The following SLC9B1 variants were observed in gnomAD, a reference collection of about 807,000 sequenced individuals.
SLC9B1 encodes the protein sodium/hydrogen exchanger 9B1.
A neutral mutation model predicts 51.7 loss-of-function variants in SLC9B1; 32 were observed. The observed-to-expected ratio is 0.62, with a 90% confidence interval of 0.47 to 0.83. The LOEUF is 0.83. Among genes scored for constraint, SLC9B1 ranks in the 40% least tolerant of loss-of-function variants. The pLI is 0.00. For missense variants in SLC9B1, 406 were observed against 613.2 expected (o/e 0.66, Z 3.57); for synonymous variants, 145 against 212.7 (o/e 0.68, Z 2.77).
chr4:102,943,503 G>GTA (rs1378652001), intron 6 of SLC9B1, among the ~76,000 whole-genome samples: 2 of 119,640 alleles, frequency 1.7e-5, no homozygotes, highest in Non-Finnish European at 3.6e-5. Context: ...ATATGTGTAT[G>GTA]TATACACACA....
At chr4:103,001,356 A>G (rs1740515974) in intron 1 of SLC9B1, among the ~76,000 whole-genome samples, 1 of 152,178 alleles carries the variant, frequency 6.6e-6, no homozygotes, top group Non-Finnish European at 1.5e-5. Context: ...TTCTCCCCCA[A>G]AAATGGATTT....
Position 102,932,264 on chromosome 4 carries a change from A to G in SLC9B1, c.689T>C (p.Val230Ala). The change falls in exon 7 of 12, where the codon GTC becomes GCC. Residue 230 changes from valine (V) to alanine (A), a missense_variant. Val to Ala is a moderately conservative substitution (Grantham distance 64). Transcript: ENST00000296422. Reference protein sequence around the residue: ...VLGAVSPAVVVPYMMVLQENG... With the variant: ...VLGAVSPAVVAPYMMVLQENG... ...TTCTTGCAGCACCATCATGTAAGGG[A>G]CAACAACAGCAGGAGAGACAGCACC... 1 of 1,611,898 alleles carries G rather than the reference A, an allele frequency of 6.2e-7. No homozygotes were observed. The highest frequency in any genetic ancestry group is 8.5e-7 in the Non-Finnish European group (1 of 1,179,788).
At chr4:103,008,069 A>C (rs1224393830) in intron 1 of SLC9B1, among the ~76,000 whole-genome samples, 1 of 152,178 alleles carries the variant, frequency 6.6e-6, no homozygotes, top group Non-Finnish European at 1.5e-5. Flanking sequence ...CAGTTTAAAA[A>C]ATTTTTATGC....
chr4:102,956,368 T>C (rs1347901550), intron 3 of SLC9B1, among the ~76,000 whole-genome samples: 1 of 150,526 alleles, frequency 6.6e-6, no homozygotes, highest in Non-Finnish European at 1.5e-5. Flanking sequence ...AGAAAGTTTG[T>C]GATAAGTTCT....
chr4:102,987,098 GGT>G (rs1280195621), intron 3 of SLC9B1, among the ~76,000 whole-genome samples: 2 of 152,126 alleles, frequency 1.3e-5, no homozygotes, highest in African/African-American at 4.8e-5. Flanking sequence ...GTGGTGATAA[GGT>G]GTGTGTGTTG....
intron 2 of SLC9B1, among the ~76,000 whole-genome samples, chr4:102,990,298 A>G (rs1022834586): frequency 2.0e-5 from 3 of 152,080 alleles, no homozygotes; most frequent in African/African-American, 7.2e-5. Flanking sequence ...ATACAACTCA[A>G]TTAGAAAGGA....
chr4:102,996,292 CT>C (rs1740211521), intron 1 of SLC9B1, among the ~76,000 whole-genome samples: 1 of 152,056 alleles, frequency 6.6e-6, no homozygotes, highest in Non-Finnish European at 1.5e-5. Context: ...AAATGTAAAT[CT>C]TTTATTGGAT....
intron 11 of SLC9B1, among the ~76,000 whole-genome samples, chr4:102,902,563 T>C (rs1259227914): frequency 6.6e-6 from 1 of 152,004 alleles, no homozygotes; most frequent in African/African-American, 2.4e-5. Context: ...CATTGACTTT[T>C]AAGAGATGAT....
intron 7 of SLC9B1, among the ~76,000 whole-genome samples, chr4:102,918,173 GA>G (rs1040407904): frequency 7.2e-6 from 1 of 139,576 alleles, no homozygotes; most frequent in Non-Finnish European, 1.6e-5. Context: ...GAATATTTAA[GA>G]AAAAAAATAA....
At chr4:102,934,123 G>A (rs187388159) in intron 6 of SLC9B1, among the ~76,000 whole-genome samples, 1,937 of 132,324 alleles carry the variant, frequency 0.015, 35 homozygotes, top group African/African-American at 0.05. Flanking sequence ...ATTAATCAGA[G>A]ATACACCAAT....
rs17214910 is a variant in SLC9B1, at chr4:102,992,104, T to G, written c.-1-392A>C. The stretch of plus-strand genomic sequence containing the variant: ...TTACATAAAACACTCCAGAAAAATT[T>G]TAAATGAAATATGACCAACTACATT... On this transcript the variant is annotated intron_variant, in intron 1 of 11. Coordinates refer to ENST00000296422, the MANE Select transcript of SLC9B1 (RefSeq NM_139173.4). Among the ~76,000 whole-genome samples, 1,078 of 152,238 alleles carry G rather than the reference T, an allele frequency of 7.1e-3. 16 individuals are homozygous for G. The highest frequency in any genetic ancestry group is 0.034 in the Middle Eastern group (10 of 294).
exon 12 of SLC9B1, chr4:102,885,107 G>C: frequency 1.1e-6 from 1 of 879,642 alleles, no homozygotes; most frequent in Non-Finnish European, 1.9e-6. Flanking sequence ...CCATTAAAAA[G>C]GAATTAATGT....
At chr4:102,911,071 T>C (rs1374174344) in intron 8 of SLC9B1, among the ~76,000 whole-genome samples, 3 of 152,068 alleles carry the variant, frequency 2.0e-5, no homozygotes, top group Non-Finnish European at 4.4e-5. Flanking sequence ...AGTCAGAAAA[T>C]ATGCAGAAAT....
At chr4:102,984,638 T>C (rs749924172) in intron 3 of SLC9B1, among the ~76,000 whole-genome samples, 1 of 152,204 alleles carries the variant, frequency 6.6e-6, no homozygotes, top group Non-Finnish European at 1.5e-5. Flanking sequence ...ATGTTCCATA[T>C]TAGCCGGAGC....
rs184652005 is a variant in SLC9B1, at chr4:102,886,596, A to T, written c.1333-1268T>A. Among the ~76,000 whole-genome samples, 644 of 152,256 alleles carry T rather than the reference A, an allele frequency of 4.2e-3. 1 individual carries two copies. Among genetic ancestry groups the T allele is most frequent in the African/African-American group, 0.015 (609 of 41,554 alleles). ...TGGATGGGTTATGAGTGAATTTTTTAAAATTTATTTTTATTTATTCTTTAT... is the reference window on the plus strand; with the variant it reads ...TGGATGGGTTATGAGTGAATTTTTTTAAATTTATTTTTATTTATTCTTTAT... On this transcript the variant is annotated intron_variant, in intron 11 of 11. Transcript: ENST00000394789.
At chr4:102,886,208 G>T (rs772206748) in intron 11 of SLC9B1, among the ~76,000 whole-genome samples, 1 of 152,150 alleles carries the variant, frequency 6.6e-6, no homozygotes, top group Non-Finnish European at 1.5e-5. Flanking sequence ...ATACACGCAG[G>T]CCAGGCGCGG....
chr4:102,934,474 G>T (rs181963976), intron 6 of SLC9B1, among the ~76,000 whole-genome samples: 1 of 152,162 alleles, frequency 6.6e-6, no homozygotes, highest in Non-Finnish European at 1.5e-5. Flanking sequence ...CATAATAAAT[G>T]TTAAAAGCTC....
chr4:102,980,855 C>T (rs1299049480), intron 3 of SLC9B1, among the ~76,000 whole-genome samples: 1 of 152,170 alleles, frequency 6.6e-6, no homozygotes, highest in African/African-American at 2.4e-5. Flanking sequence ...ATCATGGTCA[C>T]CCAAAGTTCA....
At chr4:102,979,402 G>C (rs1017236283) in intron 3 of SLC9B1, among the ~76,000 whole-genome samples, 2 of 152,040 alleles carry the variant, frequency 1.3e-5, no homozygotes, top group African/African-American at 4.8e-5. Context: ...TGTGGGTCAG[G>C]ACCCCTCTAA....
Sources: gnomAD v4.1 joint callset for allele counts (sites outside exome capture counted in the v4.1 genomes callset) on GRCh38, gnomAD v4.1.1 for gene constraint, MANE v1.5 for transcripts, NCBI Gene and HGNC (gene_info 2026-07-23, HGNC 2026-07-21) for gene names.